The following RYR1 variants were observed in gnomAD, a reference collection of about 807,000 sequenced individuals.
RYR1 encodes ryanodine receptor 1, also known as central core disease of muscle.
Under a neutral mutation model 583.5 loss-of-function variants are expected in RYR1, and 342 were observed. That is an observed-to-expected ratio of 0.59 (90% CI 0.54 to 0.64). The LOEUF (loss-of-function observed/expected upper bound fraction) is 0.64, where lower values mean the gene tolerates loss of function less well. Among genes scored for constraint, RYR1 ranks in the 30% least tolerant of loss-of-function variants. RYR1 has a pLI of 0.00. For missense variants in RYR1, 6,032 were observed against 6,917.2 expected, an observed-to-expected ratio of 0.87 and a Z score of 4.54; for synonymous variants, 2,791 against 2,822.5, an observed-to-expected ratio of 0.99 and a Z score of 0.35.
At position 38,442,417 on chromosome 19, in the gene RYR1, G is replaced by A; in HGVS notation, c.234G>A (p.Gln78=). 1.9e-6 allele frequency: 3 copies of A among 1,613,630 alleles called. No homozygotes were observed. In the East Asian group the frequency reaches 6.7e-5, roughly 36 times the overall value. ...AGTCCCTGTCTGTGCGAGCCCTGCA[G>A]GAGATGCTGGCTAACACGGTGGAGG... The part of the protein sequence containing the change: ...LEQSLSVRAL[Q]EMLANTVEAG... The change falls in exon 3 of 106, where the codon CAG becomes CAA. Residue 78 remains glutamine, a synonymous_variant. Coordinates refer to ENST00000359596, the MANE Select transcript of RYR1 (RefSeq NM_000540.3).
At chr19:38,434,901 T>C (rs1339721367) in intron 1 of RYR1, among the ~76,000 whole-genome samples, 3 of 152,078 alleles carry the variant, frequency 2.0e-5, no homozygotes, top group African/African-American at 4.8e-5. Context: ...AATAGGACCC[T>C]GGCGAGCCGG....
chr19:38,547,120 A>G (rs1972466899), intron 88 of RYR1, among the ~76,000 whole-genome samples: 1 of 151,070 alleles, frequency 6.6e-6, no homozygotes, highest in Non-Finnish European at 1.5e-5. Context: ...GCTCACTGCA[A>G]GCTCCGCCTC....
chr19:38,534,852 G>C, intron 79 of RYR1, 33 bp downstream of exon 79: 1 of 1,588,638 alleles, frequency 6.3e-7, no homozygotes, highest in Non-Finnish European at 8.6e-7. Context: ...ACTCTTCCGA[G>C]TGCACTCATC....
chr19:38,453,032 G>C lies in RYR1; in HGVS notation c.1440+18G>C. The C allele has an allele frequency of 1.2e-6, 2 of 1,612,278 alleles. No homozygotes were observed. Among genetic ancestry groups the C allele is most frequent in the Non-Finnish European group, 1.7e-6 (2 of 1,179,220 alleles). On this transcript the variant is annotated intron_variant, in intron 13 of 105. Coordinates refer to ENST00000359596, the MANE Select transcript of RYR1 (RefSeq NM_000540.3). The stretch of plus-strand genomic sequence containing the variant: ...AGGAGGAGGTGAGGACGTGGCGAGG[G>C]CGGAGCGGGGCCTGTGGGCCCAGGG...
At chr19:38,528,895 C>T in intron 75 of RYR1, 56 bp from the exon 76 acceptor site, 8 of 1,567,604 alleles carry the variant, frequency 5.1e-6, no homozygotes, top group Non-Finnish European at 6.1e-6. Flanking sequence ...GACATGGGGG[C>T]AGTGACAGGA....
intron 99 of RYR1, 48 bp from the exon 100 acceptor site, chr19:38,579,934 T>G (rs1372108108): frequency 6.2e-7 from 1 of 1,613,234 alleles, no homozygotes; most frequent in Non-Finnish European, 8.5e-7. Flanking sequence ...AGAGTGCTCC[T>G]CGTGTGTCCC....
chr19:38,494,853 C>CTTTTT (rs1226486711), intron 39 of RYR1, among the ~76,000 whole-genome samples: 1 of 127,382 alleles, frequency 7.9e-6, no homozygotes. Context: ...CCACCCCCCC[C>CTTTTT]TTTTTTTTTT....
At position 38,478,419 on chromosome 19, in the gene RYR1, C is replaced by G. The variant is rs746669177; in HGVS notation, c.4455-16C>G. 6.2e-7 allele frequency: 1 copy of G among 1,612,092 alleles called. No individual in the cohort carries two copies. The highest frequency in any genetic ancestry group is 8.5e-7 in the Non-Finnish European group (1 of 1,179,900). ...ACTCACATGAGGAGTGCAGTGACCG[C>G]TTCTGTCTCCTGCAGCCTCAAGTGT... On this transcript the variant is annotated splice_polypyrimidine_tract_variant and intron_variant, in intron 30 of 105. Coordinates refer to ENST00000359596, the MANE Select transcript of RYR1 (RefSeq NM_000540.3).
Sources: gnomAD v4.1 joint callset for allele counts (sites outside exome capture counted in the v4.1 genomes callset) on GRCh38, gnomAD v4.1.1 for gene constraint, MANE v1.5 for transcripts, NCBI Gene and HGNC (gene_info 2026-07-23, HGNC 2026-07-21) for gene names.